VTI1A: variants seen among roughly 807,000 people sequenced by gnomAD.
VTI1A encodes vesicle transport through interaction with t-SNAREs 1A.
VTI1A carries 22 observed loss-of-function variants against 34.9 expected under a neutral mutation model. The ratio of observed to expected loss-of-function variants is 0.63; its 90% confidence interval spans 0.45 to 0.90. The LOEUF (loss-of-function observed/expected upper bound fraction) is 0.90, where lower values mean the gene tolerates loss of function less well. VTI1A is among the 40% of genes least tolerant of loss of function. The pLI, the probability that VTI1A is intolerant of heterozygous loss-of-function variation, is 0.00. For synonymous variants in VTI1A, 87 were observed against 97.3 expected (o/e 0.89, Z 0.62); for missense variants, 268 against 275.6 (o/e 0.97, Z 0.20).
chr10:112,524,699 T>C (rs143907096), intron 3 of VTI1A, among the ~76,000 whole-genome samples: 1 of 152,164 alleles, frequency 6.6e-6, no homozygotes, highest in Non-Finnish European at 1.5e-5. Flanking sequence ...AAGAGTATAA[T>C]GTAATTGAAC....
intron 7 of VTI1A, among the ~76,000 whole-genome samples, chr10:112,687,698 A>G (rs1264842916): frequency 6.6e-6 from 1 of 152,076 alleles, no homozygotes; most frequent in African/African-American, 2.4e-5. Flanking sequence ...TTGGTGCACA[A>G]CTGCCTCGTT....
chr10:112,835,430 C>T, the VTI1A span, among the ~76,000 whole-genome samples: 1 of 152,314 alleles, frequency 6.6e-6, no homozygotes, highest in Admixed American at 6.5e-5. Flanking sequence ...GTTTTTAAGC[C>T]AGCCCTCTCC....
chr10:112,759,041 GC>G (rs1411514669), intron 7 of VTI1A, among the ~76,000 whole-genome samples: 1 of 152,150 alleles, frequency 6.6e-6, no homozygotes, highest in Non-Finnish European at 1.5e-5. Flanking sequence ...TGAGTCTCCT[GC>G]CCTGTTCCCT....
chr10:112,621,544 T>C (rs1358481493), intron 5 of VTI1A, among the ~76,000 whole-genome samples: 1 of 152,146 alleles, frequency 6.6e-6, no homozygotes, highest in Non-Finnish European at 1.5e-5. Flanking sequence ...CTCTTCCAAG[T>C]TCACAAGCCA....
At chr10:112,457,978 G>C (rs1314416513) in intron 1 of VTI1A, among the ~76,000 whole-genome samples, 2 of 152,158 alleles carry the variant, frequency 1.3e-5, no homozygotes, top group Admixed American at 1.3e-4. Context: ...TTAATCTAGT[G>C]AGAGTAATTT....
At chr10:112,673,427 C>A (rs1353797064) in intron 7 of VTI1A, among the ~76,000 whole-genome samples, 1 of 151,758 alleles carries the variant, frequency 6.6e-6, no homozygotes, top group South Asian at 2.1e-4. Context: ...CCCGACACTA[C>A]CTATATTTGC....
chr10:112,567,274 C>G (rs1851939959), intron 5 of VTI1A, among the ~76,000 whole-genome samples: 1 of 152,178 alleles, frequency 6.6e-6, no homozygotes, highest in African/African-American at 2.4e-5. Context: ...AGTGATCCAC[C>G]TGCCTAAGCC....
At chr10:112,597,748 AGT>A (rs1318814573) in intron 5 of VTI1A, among the ~76,000 whole-genome samples, 3 of 120,378 alleles carry the variant, frequency 2.5e-5, no homozygotes, top group Non-Finnish European at 4.8e-5. Context: ...CCCAGGCTGG[AGT>A]GCAGTGGCGC....
intron 7 of VTI1A, among the ~76,000 whole-genome samples, chr10:112,706,542 G>T (rs1047566190): frequency 3.3e-5 from 5 of 152,096 alleles, no homozygotes; most frequent in African/African-American, 1.2e-4. Context: ...AGATTAAAGG[G>T]ATATAATCTC....
intron 7 of VTI1A, among the ~76,000 whole-genome samples, chr10:112,750,169 C>CA (rs1851051638): frequency 6.9e-6 from 1 of 145,418 alleles, no homozygotes; most frequent in Non-Finnish European, 1.5e-5. Flanking sequence ...AAGAGACTGA[C>CA]TTTTTTTTTT....
chr10:112,508,662 G>A lies in VTI1A; in HGVS notation c.265-18425G>A, dbSNP rs564077294. On this transcript the variant is annotated intron_variant, in intron 3 of 7. Coordinates refer to ENST00000393077, the MANE Select transcript of VTI1A (RefSeq NM_145206.4). ...TAGACACCCTTTCTGCACCCACGCA[G>A]GTAATAAATAGCAAAACTGGAATTT... 6.8e-4 allele frequency among the ~76,000 whole-genome samples: 104 copies of A among 152,222 alleles called. 1 individual carries two copies. The South Asian group carries it at 6.8e-3, about 10-fold the overall frequency.
chr10:112,696,290 G>A (rs1335619132), intron 7 of VTI1A, among the ~76,000 whole-genome samples: 1 of 152,010 alleles, frequency 6.6e-6, no homozygotes, highest in Non-Finnish European at 1.5e-5. Flanking sequence ...CTGGTTCTGA[G>A]GACTCAGAAA....
chr10:112,774,336 C>T (rs1477797620), intron 7 of VTI1A, among the ~76,000 whole-genome samples: 2 of 152,130 alleles, frequency 1.3e-5, no homozygotes, highest in African/African-American at 2.4e-5. Context: ...CACTTCAGGA[C>T]GCCAGAAAGA....
At chr10:112,504,888 T>C (rs1031318332) in intron 3 of VTI1A, among the ~76,000 whole-genome samples, 1 of 152,062 alleles carries the variant, frequency 6.6e-6, no homozygotes, top group Non-Finnish European at 1.5e-5. Context: ...CAAGATGGAA[T>C]GTCTTTTTAT....
chr10:112,827,625 A>G, the VTI1A span: 11 of 152,212 alleles, frequency 7.2e-5, no homozygotes, highest in Admixed American at 2.6e-4. Flanking sequence ...TTTCTTGGAA[A>G]TGTGGCTCTA....
the VTI1A span, among the ~76,000 whole-genome samples, chr10:112,837,413 G>A: frequency 2.0e-5 from 3 of 152,202 alleles, no homozygotes; most frequent in African/African-American, 4.8e-5. Flanking sequence ...TGTGGATCCT[G>A]AAGGCCATGA....
chr10:112,570,858 A>G (rs1370309266), intron 5 of VTI1A, among the ~76,000 whole-genome samples: 1 of 152,260 alleles, frequency 6.6e-6, no homozygotes, highest in Non-Finnish European at 1.5e-5. Flanking sequence ...TAGACTAATA[A>G]TAACCATAAT....
intron 1 of VTI1A, 139 bp downstream of exon 1, chr10:112,447,606 C>A: frequency 9.9e-7 from 1 of 1,005,572 alleles, no homozygotes; most frequent in Non-Finnish European, 1.5e-6. Context: ...AGGGATACGG[C>A]TTGGCTTGGT....
intron 5 of VTI1A, among the ~76,000 whole-genome samples, chr10:112,566,502 G>A (rs990465305): frequency 4.6e-5 from 7 of 152,134 alleles, no homozygotes; most frequent in African/African-American, 1.7e-4. Context: ...CTTGCAGATC[G>A]GCAGATTCTA....
Sources: gnomAD v4.1 joint callset for allele counts (sites outside exome capture counted in the v4.1 genomes callset) on GRCh38, gnomAD v4.1.1 for gene constraint, MANE v1.5 for transcripts, NCBI Gene and HGNC (gene_info 2026-07-23, HGNC 2026-07-21) for gene names.